Variants in CIB2 observed in about 807,000 individuals in gnomAD.
CIB2 encodes the protein calcium and integrin-binding family member 2.
Under a neutral mutation model 23.1 loss-of-function variants are expected in CIB2, and 19 were observed. That is an observed-to-expected ratio of 0.82 (90% CI 0.57 to 1.21). CIB2 has a LOEUF of 1.21. Among genes scored for constraint, CIB2 ranks in the 50% most tolerant of loss-of-function variants. CIB2 has a pLI of 0.00. For synonymous variants in CIB2, 94 were observed against 91.7 expected, an observed-to-expected ratio of 1.03 and a Z score of -0.14; for missense variants, 220 against 241.5, an observed-to-expected ratio of 0.91 and a Z score of 0.59.
Position 78,131,154 on chromosome 15 carries a change from G to A in CIB2, c.51+11C>T. The A allele has an allele frequency of 6.3e-7, 1 of 1,581,818 alleles. No individual in the cohort carries two copies. The highest frequency in any genetic ancestry group is 8.6e-7 in the Non-Finnish European group (1 of 1,165,678). ...GGGGCCTGTGTTGGGGGCCGGGCGC[G>A]CCGAGCTCACCTGGTAGTTGTCTAG... On this transcript the variant is annotated intron_variant, in intron 1 of 5. Transcript: ENST00000258930. This position sits in a 1 kb window ranked among gnomAD's most constrained non-coding sequence, Gnocchi z 5.8.
At chr15:78,125,634 A>G (rs2141916676) in intron 1 of CIB2, among the ~76,000 whole-genome samples, 1 of 152,320 alleles carries the variant, frequency 6.6e-6, no homozygotes, top group Middle Eastern at 3.4e-3. Flanking sequence ...GTGAAAATGT[A>G]GATTCTTAGG....
rs145622847 is a variant in CIB2 at position 78,116,960 on chromosome 15, CAA to C, written c.87-5686_87-5685del. Reference sequence around the variant, plus strand: ...AAATGAATTCACAATTTAAAAGAACCAAAAAAAAAAACACAACTAAGTATAAA... The same window carrying C: ...AAATGAATTCACAATTTAAAAGAACCAAAAAAAAACACAACTAAGTATAAA... On this transcript the variant is annotated intron_variant, in intron 2 of 5. Transcript: ENST00000258930. Among the ~76,000 whole-genome samples, 37 of 135,722 alleles carry C rather than the reference CAA, an allele frequency of 2.7e-4. No individual in the cohort carries two copies. In the East Asian group the frequency reaches 5.7e-3, roughly 21 times the overall value. 89.0% of individuals were successfully genotyped at this position (135,722 alleles called of 152,430 possible).
chr15:78,121,821 A>C (rs910078399), intron 2 of CIB2, among the ~76,000 whole-genome samples: 2 of 152,164 alleles, frequency 1.3e-5, no homozygotes, highest in South Asian at 2.1e-4. Context: ...GGACTAAAAC[A>C]ACCACCAAAG....
At chr15:78,131,492 G>A (rs2074456988), upstream of CIB2, 1 of 162,938 alleles carries the variant, frequency 6.1e-6, no homozygotes, top group Admixed American at 6.4e-5. This position sits in a 1 kb window ranked among gnomAD's most constrained non-coding sequence, Gnocchi z 5.8. Context: ...GGTCCCGGCA[G>A]GAGGCGACCT....
At chr15:78,128,686 C>A (rs1454056859) in intron 1 of CIB2, among the ~76,000 whole-genome samples, 5 of 147,234 alleles carry the variant, frequency 3.4e-5, no homozygotes, top group African/African-American at 1.3e-4. Flanking sequence ...GCGAGCGAGA[C>A]TCCGTCTCAA....
chr15:78,131,133 C>T lies in CIB2; in HGVS notation c.51+32G>A. 3.9e-6 allele frequency: 6 copies of T among 1,553,966 alleles called. No individual in the cohort carries two copies. The highest frequency in any genetic ancestry group is 5.2e-6 in the Non-Finnish European group (6 of 1,149,060). On this transcript the variant is annotated intron_variant, in intron 1 of 5. Coordinates refer to ENST00000258930, the MANE Select transcript of CIB2 (RefSeq NM_006383.4). The surrounding 1 kb of genome is among the most constrained non-coding windows in gnomAD (Gnocchi z 5.8). ...AGGGAGGGGCGGCGGGGCGGCGGGG[C>T]CTGTGTTGGGGGCCGGGCGCGCCGA...
chr15:78,128,224 A>G (rs1052162690), intron 1 of CIB2, among the ~76,000 whole-genome samples: 2 of 152,166 alleles, frequency 1.3e-5, no homozygotes, highest in African/African-American at 2.4e-5. Context: ...GCCCGTCCCA[A>G]AGAGGTGAGG....
chr15:78,117,964 A>ATATTCAC (rs1329577565), intron 2 of CIB2, among the ~76,000 whole-genome samples: 1 of 152,256 alleles, frequency 6.6e-6, no homozygotes, highest in African/African-American at 2.4e-5. Context: ...AGTTATGTGA[A>ATATTCAC]TGGTACCACA....
intron 2 of CIB2, among the ~76,000 whole-genome samples, chr15:78,112,976 T>C (rs2074182814): frequency 6.6e-6 from 1 of 152,248 alleles, no homozygotes; most frequent in African/African-American, 2.4e-5. Context: ...ACTAATCTTC[T>C]CTGTGGATTG....
At chr15:78,106,241 C>T (rs2074069047) in intron 4 of CIB2, among the ~76,000 whole-genome samples, 1 of 152,238 alleles carries the variant, frequency 6.6e-6, no homozygotes, top group Non-Finnish European at 1.5e-5. Context: ...GATAGCCCTT[C>T]CTGGCCTTAG....
rs2074065609 is a variant in CIB2 at position 78,106,015 on chromosome 15, T to C, written c.347-81A>G. Reference sequence around the variant, plus strand: ...CTACACTATAGCTCTTCCTCCTAGCTGGCCCCACTACCTCCACCAGCTTCT... The same window carrying C: ...CTACACTATAGCTCTTCCTCCTAGCCGGCCCCACTACCTCCACCAGCTTCT... On this transcript the variant is annotated intron_variant, in intron 4 of 5. Transcript: ENST00000258930. 2.6e-6 allele frequency: 3 copies of C among 1,154,896 alleles called. No individual in the cohort carries two copies. In the South Asian group the frequency reaches 4.1e-5, roughly 16 times the overall value. The allele number at this position is 1,154,896 out of a possible 1,614,324, so 71.5% of individuals were successfully genotyped here.
chr15:78,125,482 T>C (rs111858134), intron 1 of CIB2, among the ~76,000 whole-genome samples: 77 of 152,278 alleles, frequency 5.1e-4, no homozygotes, highest in Non-Finnish European at 8.8e-4. Context: ...ATCCAGGTCC[T>C]GATTCAAGGG....
At chr15:78,106,111 C>G (rs575201208) in intron 4 of CIB2, among the ~76,000 whole-genome samples, 177 bp from the exon 5 acceptor site, 1 of 152,216 alleles carries the variant, frequency 6.6e-6, no homozygotes. Flanking sequence ...GCTTACCCAC[C>G]AGGCATCGCT....
In CIB2 at chr15:78,110,580, C is replaced by T. The variant is rs1379045817; in HGVS notation, c.198+585G>A. 7 of 445,772 alleles carry T rather than the reference C, an allele frequency of 1.6e-5. No individual in the cohort carries two copies. The Admixed American group carries it at 1.7e-4, about 11-fold the overall frequency. The allele number at this position is 445,772 out of a possible 1,614,324, so 27.6% of individuals were successfully genotyped here. A position where few individuals can be genotyped will look rare whatever the true frequency, so the allele number is the denominator to read the frequency against. On this transcript the variant is annotated intron_variant, in intron 3 of 5. Transcript: ENST00000258930. ...CCTTCTTAATGCTGAATGCACTTTA[C>T]ATATTATGGATAAGGAACTCATGAA... is the stretch of plus-strand genomic sequence containing the variant.
At position 78,105,935 on chromosome 15, in the gene CIB2, C is replaced by T. The variant is rs978253560; in HGVS notation, c.347-1G>A. ...CAGATGAAGTTGTCAGTGTTGAAGT[C>T]TGTAGGGCAGGGGTTGGACATGTTC... On this transcript the variant is annotated splice_acceptor_variant, in intron 4 of 5. Transcript: ENST00000258930. LOFTEE classifies it high-confidence loss of function. The T allele has an allele frequency of 1.2e-6, 2 of 1,613,788 alleles. No homozygotes were observed. The highest frequency in any genetic ancestry group is 8.5e-7 in the Non-Finnish European group (1 of 1,179,842).
chr15:78,110,588 G>A (rs543933483), intron 3 of CIB2: 2 of 448,466 alleles, frequency 4.5e-6, no homozygotes, highest in Non-Finnish European at 9.0e-6. Context: ...TACATATTAT[G>A]GATAAGGAAC....
Position 78,122,502 on chromosome 15 carries a change from C to T in CIB2, c.86+1203G>A, listed in dbSNP as rs111385005. Among the ~76,000 whole-genome samples, 298 of 152,338 alleles carry T rather than the reference C, an allele frequency of 2.0e-3. 3 individuals are homozygous for T. The highest frequency in any genetic ancestry group is 6.4e-3 in the African/African-American group (266 of 41,556). On this transcript the variant is annotated intron_variant, in intron 2 of 5. Coordinates refer to ENST00000258930, the MANE Select transcript of CIB2 (RefSeq NM_006383.4). ...TGCCAGGGGTGACAGCTTTGTTATT[C>T]CAATACCGAGAGCCATCCTGTCGAA...
At chr15:78,117,689 C>T (rs1007006169) in intron 2 of CIB2, among the ~76,000 whole-genome samples, 6 of 152,202 alleles carry the variant, frequency 3.9e-5, no homozygotes, top group African/African-American at 1.2e-4. Flanking sequence ...TCCCCCAAGG[C>T]AACAACTAGC....
intron 2 of CIB2, among the ~76,000 whole-genome samples, chr15:78,118,472 C>G (rs1282746295): frequency 1.3e-5 from 2 of 151,766 alleles, no homozygotes; most frequent in Admixed American, 1.3e-4. Context: ...GCCTATAACC[C>G]CAGCTACTCA....
Sources: allele counts gnomAD v4.1 joint callset (sites outside exome capture counted in the v4.1 genomes callset), GRCh38; gene constraint gnomAD v4.1.1; non-coding constraint Gnocchi (gnomAD v3.1); transcripts MANE v1.5; gene names NCBI Gene and HGNC (gene_info 2026-07-23, HGNC 2026-07-21).